STK10: variants seen among roughly 807,000 people sequenced by gnomAD.
STK10 encodes the protein serine/threonine kinase 10.
A neutral mutation model predicts 113.8 loss-of-function variants in STK10; 78 were observed. The observed-to-expected ratio is 0.69, with a 90% CI of 0.57 to 0.83. The LOEUF (loss-of-function observed/expected upper bound fraction) is 0.83, where lower values mean the gene tolerates loss of function less well. Among genes scored for constraint, STK10 ranks in the 40% least tolerant of loss-of-function variants. STK10 has a pLI of 0.00. For synonymous variants in STK10, 465 were observed against 494.7 expected (o/e 0.94, Z 0.80); for missense variants, 1,109 against 1,280.1 (o/e 0.87, Z 2.04).
intron 18 of STK10, among the ~76,000 whole-genome samples, chr5:172,046,232 T>C (rs1419649852): frequency 6.6e-6 from 1 of 151,198 alleles, no homozygotes; most frequent in Non-Finnish European, 1.5e-5. Flanking sequence ...TGGTAGTGTG[T>C]GCCTGTAATC....
At chr5:172,070,585 A>T (rs1768155823) in intron 12 of STK10, among the ~76,000 whole-genome samples, 1 of 152,126 alleles carries the variant, frequency 6.6e-6, no homozygotes, top group Non-Finnish European at 1.5e-5. Context: ...CTACATTAAG[A>T]AACCATAAAA....
At chr5:172,132,539 G>A (rs1026486677) in intron 2 of STK10, among the ~76,000 whole-genome samples, 5 of 151,992 alleles carry the variant, frequency 3.3e-5, no homozygotes, top group African/African-American at 1.2e-4. Context: ...AAAGCTAAAG[G>A]CCTCTAAGCC....
chr5:172,089,779 G>C (rs1768655479), intron 10 of STK10, among the ~76,000 whole-genome samples: 1 of 152,080 alleles, frequency 6.6e-6, no homozygotes, highest in South Asian at 2.1e-4. Flanking sequence ...ATGGATGGGT[G>C]AATGACTGGG....
intron 10 of STK10, among the ~76,000 whole-genome samples, chr5:172,086,892 C>T (rs371280384): frequency 6.6e-6 from 1 of 152,188 alleles, no homozygotes; most frequent in East Asian, 1.9e-4. Flanking sequence ...GGAACCACAG[C>T]CAGGGCCAGA....
At chr5:172,057,238 C>T in intron 15 of STK10, 111 bp downstream of exon 15, 3 of 1,474,058 alleles carry the variant, frequency 2.0e-6, no homozygotes, top group Non-Finnish European at 2.7e-6. Flanking sequence ...CTCTTGGGGG[C>T]ACTTGTCATC....
rs769617232 is a variant in STK10, at chr5:172,105,740, G to A, written c.789-3C>T. The stretch of plus-strand genomic sequence containing the variant: ...GGAAGTCACGGAACTCTACAGACCT[G>A]GGAGGACAGGCGTCAGAGGTAAGCA... On this transcript the variant is annotated splice_polypyrimidine_tract_variant and splice_region_variant and intron_variant, in intron 6 of 18. Coordinates refer to ENST00000176763, the MANE Select transcript of STK10 (RefSeq NM_005990.4). 7 of 1,613,768 alleles carry A rather than the reference G, an allele frequency of 4.3e-6. No individual in the cohort carries two copies. The highest frequency in any genetic ancestry group is 5.9e-6 in the Non-Finnish European group (7 of 1,179,988).
intron 2 of STK10, among the ~76,000 whole-genome samples, chr5:172,135,502 A>C (rs1345904714): frequency 6.6e-6 from 1 of 151,986 alleles, no homozygotes; most frequent in East Asian, 1.9e-4. Context: ...ACAGAGCGAG[A>C]CTCCATCTCA....
At chr5:172,088,670 C>T (rs1477844468) in intron 10 of STK10, among the ~76,000 whole-genome samples, 1 of 152,164 alleles carries the variant, frequency 6.6e-6, no homozygotes, top group Non-Finnish European at 1.5e-5. Context: ...GCTCCATGGC[C>T]TCCCTAAGTG....
At chr5:172,064,990 C>T (rs1248388256) in intron 12 of STK10, among the ~76,000 whole-genome samples, 178 bp from the exon 13 acceptor site, 1 of 152,210 alleles carries the variant, frequency 6.6e-6, no homozygotes, top group Non-Finnish European at 1.5e-5. Flanking sequence ...CCACACTGGC[C>T]TACTCCTGCC....
chr5:172,122,717 A>G (rs6883570), intron 3 of STK10, among the ~76,000 whole-genome samples: 18,933 of 152,118 alleles, frequency 0.12, 1,192 homozygotes, highest in Non-Finnish European at 0.15. Context: ...TCCGCCTCCC[A>G]GGTTCACGCC....
intron 1 of STK10, among the ~76,000 whole-genome samples, chr5:172,169,894 G>T (rs1770634563): frequency 1.3e-5 from 2 of 152,278 alleles, no homozygotes; most frequent in South Asian, 4.1e-4. Flanking sequence ...AGCTAAGTGT[G>T]CTTGCGGAAG....
chr5:172,060,045 C>T (rs1313723473), intron 14 of STK10, among the ~76,000 whole-genome samples: 1 of 152,054 alleles, frequency 6.6e-6, no homozygotes, highest in Non-Finnish European at 1.5e-5. Context: ...GGAGATGGGG[C>T]TTTTTGGGAG....
intron 7 of STK10, among the ~76,000 whole-genome samples, chr5:172,102,499 C>T (rs998544132): frequency 4.6e-5 from 7 of 152,076 alleles, no homozygotes; most frequent in Admixed American, 3.3e-4. Flanking sequence ...ACGCTGGGTG[C>T]GTGGAGATGG....
In STK10 at chr5:172,106,469, G is replaced by A. The variant is rs1176875052; in HGVS notation, c.788+151C>T. 2.1e-5 allele frequency: 12 copies of A among 566,486 alleles called. No homozygotes were observed. The Middle Eastern group carries it at 2.4e-3, about 115-fold the overall frequency. The allele number at this position is 566,486 out of a possible 1,614,324, so 35.1% of individuals were successfully genotyped here. On this transcript the variant is annotated intron_variant, in intron 6 of 18. Coordinates refer to ENST00000176763, the MANE Select transcript of STK10 (RefSeq NM_005990.4). The stretch of plus-strand genomic sequence containing the variant: ...GAAGGGCCCGGGGGGGCTCAGAAAC[G>A]CCTGAAGACCCCCAGGCCCCAACCT...
At chr5:172,114,475 T>TATATATATATATA (rs145162287) in intron 4 of STK10, 3 of 18,032 alleles carry the variant, frequency 1.7e-4, no homozygotes, top group African/African-American at 2.7e-4. Context: ...ATATATATAT[T>TATATATATATATA]TTTTTTTTTT....
At chr5:172,162,650 G>T (rs1359657199) in intron 1 of STK10, among the ~76,000 whole-genome samples, 1 of 152,172 alleles carries the variant, frequency 6.6e-6, no homozygotes, top group Non-Finnish European at 1.5e-5. Flanking sequence ...TTCCTGAGAG[G>T]AAGGTTGAAG....
In STK10 at chr5:172,120,685, G is replaced by T. The variant is rs567782210; in HGVS notation, c.371-3055C>A. ...AGGCAGGGCTCCAGCCATCAGCCAT[G>T]TTCAGTTCTCAGTGTGGAAAATAGG... On this transcript the variant is annotated intron_variant, in intron 3 of 18. Transcript: ENST00000176763. This position sits in a 1 kb window ranked among gnomAD's most constrained non-coding sequence, Gnocchi z 4.0. Among the ~76,000 whole-genome samples, 1 of 152,342 alleles carries T rather than the reference G, an allele frequency of 6.6e-6. No individual in the cohort carries two copies. The highest frequency in any genetic ancestry group is 2.4e-5 in the African/African-American group (1 of 41,584).
chr5:172,057,502 A>C (rs2113697357), intron 14 of STK10, 29 bp from the exon 15 acceptor site: 2 of 1,537,772 alleles, frequency 1.3e-6, no homozygotes, highest in Admixed American at 3.9e-5. Flanking sequence ...CGAGCTGGTG[A>C]GGTGCTGACA....
chr5:172,102,893 A>G (rs531767137), intron 7 of STK10, among the ~76,000 whole-genome samples: 1 of 123,816 alleles, frequency 8.1e-6, no homozygotes, highest in South Asian at 2.8e-4. Flanking sequence ...GAGGAAACTG[A>G]GGCACAGAGT....
Sources: gnomAD v4.1 joint callset for allele counts (sites outside exome capture counted in the v4.1 genomes callset) on GRCh38, gnomAD v4.1.1 for gene constraint, Gnocchi (gnomAD v3.1) non-coding constraint, MANE v1.5 for transcripts, NCBI Gene and HGNC (gene_info 2026-07-23, HGNC 2026-07-21) for gene names.